Variants in MYH3 observed in about 807,000 individuals in gnomAD.
MYH3 encodes the protein myosin-3.
In MYH3, 130 loss-of-function variants were observed where a neutral mutation model predicts 238.0. That is an observed-to-expected ratio of 0.55 (90% CI 0.47 to 0.63). The LOEUF (loss-of-function observed/expected upper bound fraction) is 0.63. MYH3 is among the 30% of genes least tolerant of loss of function. The pLI is 0.00. For missense variants in MYH3, 1,853 were observed against 2,374.9 expected, an observed-to-expected ratio of 0.78 and a Z score of 4.57; for synonymous variants, 880 against 924.1, an observed-to-expected ratio of 0.95 and a Z score of 0.86.
intron 4 of MYH3, 88 bp downstream of exon 4, chr17:10,652,332 T>A: frequency 6.6e-7 from 1 of 1,504,766 alleles, no homozygotes; most frequent in Non-Finnish European, 9.2e-7. Flanking sequence ...TCTTCCAGAA[T>A]CCCACGGCCC....
chr17:10,641,241 T>C (rs2074268245), intron 18 of MYH3, 39 bp from the exon 19 acceptor site: 1 of 1,611,320 alleles, frequency 6.2e-7, no homozygotes, highest in Non-Finnish European at 8.5e-7. Context: ...ACACAGAATT[T>C]CTTAAAAACT....
intron 40 of MYH3, 58 bp downstream of exon 40, chr17:10,629,539 C>G: frequency 6.2e-7 from 1 of 1,607,092 alleles, no homozygotes; most frequent in South Asian, 1.1e-5. Flanking sequence ...GAGGTTCCTT[C>G]CAGCTAAGAA....
At chr17:10,640,527 C>T (rs186223195) in intron 20 of MYH3, 36 bp downstream of exon 20, 82 of 1,614,176 alleles carry the variant, frequency 5.1e-5, no homozygotes, top group East Asian at 8.9e-5. Flanking sequence ...GTCAAGAGGA[C>T]GAAAAGGCCA....
At chr17:10,667,284 C>T in the MYH3 span, among the ~76,000 whole-genome samples, 1 of 152,172 alleles carries the variant, frequency 6.6e-6, no homozygotes, top group African/African-American at 2.4e-5. Context: ...TATTGTGGCA[C>T]TGTTCATAAT....
intron 17 of MYH3, 94 bp from the exon 18 acceptor site, chr17:10,641,466 T>G: frequency 2.0e-6 from 2 of 980,850 alleles, no homozygotes; most frequent in Non-Finnish European, 3.2e-6. Context: ...TGTTTAAAAT[T>G]TATCATAAGT....
chr17:10,649,604 C>G lies in MYH3; in HGVS notation c.615G>C (p.Leu205=). Residue 205 remains leucine, a synonymous_variant, in exon 7 of 41, where the codon CTG becomes CTC. Coordinates refer to ENST00000583535, the MANE Select transcript of MYH3 (RefSeq NM_002470.4). ...TCATTTTGGAGTCCTTCTTCTTGGCCAGGTCCCCAGTAGCTGCAATTGTTG... is the reference window on the plus strand; with the variant it reads ...TCATTTTGGAGTCCTTCTTCTTGGCGAGGTCCCCAGTAGCTGCAATTGTTG... ...YFATIAATGD[L]AKKKDSKMKG... The G allele has an allele frequency of 6.2e-7, 1 of 1,614,210 alleles. No homozygotes were observed. Among genetic ancestry groups the G allele is most frequent in the Non-Finnish European group, 8.5e-7 (1 of 1,180,022 alleles).
chr17:10,629,164 C>A (rs561073719), intron 40 of MYH3, among the ~76,000 whole-genome samples: 6 of 152,228 alleles, frequency 3.9e-5, no homozygotes, highest in Admixed American at 3.9e-4. Context: ...TGTCCTAATG[C>A]TCTCCCTCCC....
At chr17:10,667,089 A>G in the MYH3 span, among the ~76,000 whole-genome samples, 1 of 152,260 alleles carries the variant, frequency 6.6e-6, no homozygotes, top group Non-Finnish European at 1.5e-5. Context: ...CAAAGCTGTC[A>G]TAACACACAC....
chr17:10,636,288 CAAA>C (rs397786526), intron 28 of MYH3, among the ~76,000 whole-genome samples: 150 of 81,028 alleles, frequency 1.9e-3, no homozygotes, highest in African/African-American at 7.4e-3. Flanking sequence ...GCCTCAATCT[CAAA>C]AAAAAAAAAA....
In MYH3 at chr17:10,639,585, T is replaced by A; in HGVS notation, c.2900A>T (p.Lys967Met). ...DLELTLAKVE[K>M]EKHATENKVK... ...CTTGTTCTCTGTGGCATGCTTCTCCTTCTCAACCTTGGCCAGGGTCAACTC... is the reference window on the plus strand; with the variant it reads ...CTTGTTCTCTGTGGCATGCTTCTCCATCTCAACCTTGGCCAGGGTCAACTC... Residue 967 changes from lysine to methionine, a missense_variant, in exon 23 of 41, where the codon AAG becomes ATG. Transcript: ENST00000583535. 6.2e-7 allele frequency: 1 copy of A among 1,614,194 alleles called. No homozygotes were observed. The highest frequency in any genetic ancestry group is 8.5e-7 in the Non-Finnish European group (1 of 1,180,042).
At chr17:10,672,609 C>T in the MYH3 span, 1 of 152,292 alleles carries the variant, frequency 6.6e-6, no homozygotes, top group African/African-American at 2.4e-5. Flanking sequence ...TTACCACTTC[C>T]CCAAATCCCC....
At chr17:10,630,068 T>A (rs1159588418) in intron 38 of MYH3, 24 bp downstream of exon 38, 1 of 1,610,584 alleles carries the variant, frequency 6.2e-7, no homozygotes, top group East Asian at 2.2e-5. Context: ...GAGGACACGA[T>A]CATGGCGTTT....
the MYH3 span, among the ~76,000 whole-genome samples, chr17:10,667,053 A>G: frequency 1.3e-5 from 2 of 152,228 alleles, no homozygotes; most frequent in Non-Finnish European, 2.9e-5. Flanking sequence ...GAGAAAATCC[A>G]AATGCTGGGC....
Position 10,639,394 on chromosome 17 carries a change from C to A in MYH3, c.3006G>T (p.Glu1002Asp). The stretch of plus-strand genomic sequence containing the variant: ...GGTCATCCAAGGCCTGCTGGTGCGC[C>A]TCTTGGAGGGCCTTCTTCTCTCTGG... ...KLTREKKALQ[E>D]AHQQALDDLQ... is the part of the protein sequence containing the mutation. The change falls in exon 24 of 41, where the codon GAG becomes GAT. Residue 1002 changes from glutamate (E) to aspartate (D), a missense_variant. Coordinates refer to ENST00000583535, the MANE Select transcript of MYH3 (RefSeq NM_002470.4). 1 of 1,614,126 alleles carries A rather than the reference C, an allele frequency of 6.2e-7. No individual in the cohort carries two copies.
chr17:10,669,347 G>A, the MYH3 span, among the ~76,000 whole-genome samples: 2 of 152,144 alleles, frequency 1.3e-5, no homozygotes, highest in African/African-American at 4.8e-5. Flanking sequence ...GAGGTCAGGA[G>A]TTCGAGACCA....
upstream of MYH3, among the ~76,000 whole-genome samples, chr17:10,659,389 A>G (rs749075402): frequency 1.2e-4 from 18 of 152,204 alleles, no homozygotes; most frequent in Non-Finnish European, 2.1e-4. Context: ...CAGCAAACAA[A>G]TATAAGTGAA....
Position 10,634,041 on chromosome 17 carries a change from TCA to T in MYH3, c.4496_4497del (p.Val1499GlufsTer5). 3 of 1,614,186 alleles carry T rather than the reference TCA, an allele frequency of 1.9e-6. No homozygotes were observed. The highest frequency in any genetic ancestry group is 2.5e-6 in the Non-Finnish European group (3 of 1,180,044). The stretch of plus-strand genomic sequence containing the variant: ...CGCTCTAAGTTCTTATTTTCCCGTT[TCA>T]CAGTTTCAAGTTGATCTAAGGCTTC... ...YEEALDQLETVKRENKNLEQE... is the reference protein window; with the variant it reads ...YEEALDQLETXKRENKNLEQE... On this transcript the variant is annotated frameshift_variant, in exon 32 of 41. Coordinates refer to ENST00000583535, the MANE Select transcript of MYH3 (RefSeq NM_002470.4). LOFTEE classifies it high-confidence loss of function.
chr17:10,636,829 G>A (rs1325975370), intron 28 of MYH3, among the ~76,000 whole-genome samples: 2 of 151,572 alleles, frequency 1.3e-5, no homozygotes, highest in Admixed American at 6.6e-5. Flanking sequence ...CAAGAGAATC[G>A]CTTGAACCCG....
the MYH3 span, among the ~76,000 whole-genome samples, chr17:10,671,210 A>T: frequency 6.6e-6 from 1 of 152,088 alleles, no homozygotes; most frequent in East Asian, 1.9e-4. Flanking sequence ...TATCTTATGG[A>T]TGCCCTAGAG....
Sources: gnomAD v4.1 joint callset for allele counts (sites outside exome capture counted in the v4.1 genomes callset) on GRCh38, gnomAD v4.1.1 for gene constraint, MANE v1.5 for transcripts, NCBI Gene and HGNC (gene_info 2026-07-23, HGNC 2026-07-21) for gene names.